The following PCGF6 variants were observed in gnomAD, a reference collection of about 807,000 sequenced individuals.
The protein encoded by PCGF6 is polycomb group RING finger protein 6.
In PCGF6, 24 loss-of-function variants were observed where a neutral mutation model predicts 45.5. The ratio of observed to expected loss-of-function variants is 0.53; its 90% CI spans 0.38 to 0.74. The LOEUF is 0.74. PCGF6 is among the 30% of genes least tolerant of loss of function. The pLI, the probability that PCGF6 is intolerant of heterozygous loss-of-function variation, is 0.00. For synonymous variants in PCGF6, 152 were observed against 162.1 expected (o/e 0.94, Z 0.47); for missense variants, 356 against 443.2 (o/e 0.80, Z 1.77).
At chr10:103,347,199 T>C in intron 5 of PCGF6, 39 bp downstream of exon 5, 2 of 1,463,930 alleles carry the variant, frequency 1.4e-6, no homozygotes, top group Non-Finnish European at 1.9e-6. Flanking sequence ...TTAGTATTCT[T>C]TAATCTGTAA....
chr10:103,335,570 T>A (rs1359128196), intron 6 of PCGF6, among the ~76,000 whole-genome samples: 1 of 151,952 alleles, frequency 6.6e-6, no homozygotes, highest in East Asian at 1.9e-4. Flanking sequence ...ACCATGTTGT[T>A]CAGGATGGCC....
At chr10:103,311,504 C>A (rs927765372) in intron 9 of PCGF6, among the ~76,000 whole-genome samples, 7 of 148,886 alleles carry the variant, frequency 4.7e-5, no homozygotes, top group Admixed American at 1.4e-4. Flanking sequence ...GAGTACAGAG[C>A]CACTCATGGG....
intron 6 of PCGF6, among the ~76,000 whole-genome samples, chr10:103,334,883 A>G (rs944033049): frequency 1.3e-5 from 2 of 152,200 alleles, no homozygotes; most frequent in African/African-American, 4.8e-5. Flanking sequence ...ACAGATGAAA[A>G]AAAATTAAGC....
intron 6 of PCGF6, among the ~76,000 whole-genome samples, chr10:103,344,229 A>T (rs2133596857): frequency 6.6e-6 from 1 of 151,944 alleles, no homozygotes; most frequent in East Asian, 1.9e-4. Flanking sequence ...ATAGATATAC[A>T]CGTGGCAACC....
chr10:103,313,575 A>T (rs185068767), intron 9 of PCGF6, among the ~76,000 whole-genome samples: 2 of 152,316 alleles, frequency 1.3e-5, no homozygotes, highest in East Asian at 3.9e-4. Flanking sequence ...AAAAAAATGA[A>T]TAAATAAAAA....
intron 8 of PCGF6, among the ~76,000 whole-genome samples, chr10:103,322,571 A>T (rs1033644072): frequency 1.3e-5 from 2 of 151,166 alleles, no homozygotes; most frequent in Non-Finnish European, 2.9e-5. Flanking sequence ...CTGTAATCCC[A>T]GTACTTTGGG....
chr10:103,309,693 G>C (rs781062594), intron 9 of PCGF6, among the ~76,000 whole-genome samples: 2 of 152,152 alleles, frequency 1.3e-5, no homozygotes, highest in Non-Finnish European at 2.9e-5. Context: ...CACTTTGGGA[G>C]GCTGAGATGG....
intron 6 of PCGF6, among the ~76,000 whole-genome samples, chr10:103,343,832 C>CAAA (rs71019677): frequency 6.2e-5 from 2 of 32,486 alleles, no homozygotes; most frequent in African/African-American, 1.9e-4. Flanking sequence ...AACTCTGTCT[C>CAAA]AAAAAAAAAA....
At chr10:103,312,292 C>G (rs915062145) in intron 9 of PCGF6, 2 of 150,868 alleles carry the variant, frequency 1.3e-5, no homozygotes, top group African/African-American at 4.9e-5. Context: ...ACCTGGGAGG[C>G]TGAGGCAGGA....
chr10:103,321,209 T>C (rs1360511344), intron 8 of PCGF6, among the ~76,000 whole-genome samples: 1 of 152,188 alleles, frequency 6.6e-6, no homozygotes. Context: ...GGTCTCATCA[T>C]GCACTGCCGC....
intron 5 of PCGF6, 125 bp downstream of exon 5, chr10:103,347,113 G>A: frequency 2.9e-6 from 2 of 694,004 alleles, no homozygotes; most frequent in South Asian, 2.0e-5. Context: ...ATTACACACA[G>A]CATTACCTTC....
chr10:103,307,779 C>T (rs2093143121), intron 9 of PCGF6, among the ~76,000 whole-genome samples: 1 of 152,114 alleles, frequency 6.6e-6, no homozygotes, highest in South Asian at 2.1e-4. Context: ...AACCTGAGTA[C>T]ATTTTATGAT....
chr10:103,340,198 AATATATAT>A lies in PCGF6; in HGVS notation c.782+4818_782+4825del, dbSNP rs1191965991. 3.3e-4 allele frequency among the ~76,000 whole-genome samples: 29 copies of A among 87,874 alleles called. 1 individual carries two copies. The highest frequency in any genetic ancestry group is 6.9e-4 in the African/African-American group (13 of 18,842). 57.6% of individuals were successfully genotyped at this position (87,874 alleles called of 152,430 possible). A position where few individuals can be genotyped will look rare whatever the true frequency, so the allele number is the denominator to read the frequency against. Reference sequence around the variant, plus strand: ...TCTCAGGGAAAAAAAAAAAAAAAAAAATATATATATATATATATATATATTTTATATAC... The same window carrying A: ...TCTCAGGGAAAAAAAAAAAAAAAAAAATATATATATATATATTTTATATAC... On this transcript the variant is annotated intron_variant, in intron 6 of 9. Transcript: ENST00000369847.
At chr10:103,304,081 T>A in intron 9 of PCGF6, 120 bp from the exon 10 acceptor site, 1 of 747,954 alleles carries the variant, frequency 1.3e-6, no homozygotes, top group Non-Finnish European at 2.2e-6. Context: ...ATTCTTTAAT[T>A]TAAAGAAAAT....
chr10:103,321,241 G>A (rs2093196194), intron 8 of PCGF6, among the ~76,000 whole-genome samples: 1 of 152,124 alleles, frequency 6.6e-6, no homozygotes, highest in Admixed American at 6.6e-5. Flanking sequence ...AAGCTTAGGT[G>A]ATCCTCCTAC....
intron 9 of PCGF6, among the ~76,000 whole-genome samples, chr10:103,309,339 G>C (rs1185390598): frequency 6.6e-6 from 1 of 152,164 alleles, no homozygotes; most frequent in Non-Finnish European, 1.5e-5. Flanking sequence ...CTCATGAATG[G>C]TTTAGCACAA....
chr10:103,329,026 T>A (rs2093229879), intron 7 of PCGF6, among the ~76,000 whole-genome samples: 2 of 149,770 alleles, frequency 1.3e-5, no homozygotes, highest in African/African-American at 4.9e-5. Context: ...ATTACAGGCG[T>A]GAGCCACTGC....
chr10:103,325,413 C>T (rs1252338049), intron 8 of PCGF6, among the ~76,000 whole-genome samples: 3 of 151,918 alleles, frequency 2.0e-5, no homozygotes, highest in Non-Finnish European at 4.4e-5. Context: ...GCCAACAGGT[C>T]CGGCTAATTT....
rs1592064562 is a variant in PCGF6, at chr10:103,326,516, T to G, written c.909+18A>C. On this transcript the variant is annotated intron_variant, in intron 8 of 9. Coordinates refer to ENST00000369847, the MANE Select transcript of PCGF6 (RefSeq NM_001011663.2). ...AAGCTCACAACTTTACCTATTCTTT[T>G]ACATATATGTACTGTACCTGACAAG... 6.5e-7 allele frequency: 1 copy of G among 1,527,762 alleles called. No individual in the cohort carries two copies. The highest frequency in any genetic ancestry group is 1.4e-5 in the African/African-American group (1 of 71,880). 94.6% of individuals were successfully genotyped at this position (1,527,762 alleles called of 1,614,324 possible). A position where few individuals can be genotyped will look rare whatever the true frequency, so the allele number is the denominator to read the frequency against.
Sources: allele counts gnomAD v4.1 joint callset (sites outside exome capture counted in the v4.1 genomes callset), GRCh38; gene constraint gnomAD v4.1.1; transcripts MANE v1.5; gene names NCBI Gene and HGNC (gene_info 2026-07-23, HGNC 2026-07-21).